The following CLCA4 variants were observed in gnomAD, a reference collection of about 807,000 sequenced individuals.
The protein encoded by CLCA4 is calcium-activated chloride channel regulator 4.
A neutral mutation model predicts 78.9 loss-of-function variants in CLCA4; 69 were observed. The observed-to-expected ratio is 0.87, with a 90% CI of 0.72 to 1.07. The LOEUF is 1.07. CLCA4 is among the 50% of genes least tolerant of loss of function. The pLI is 0.00. For synonymous variants in CLCA4, 362 were observed against 375.8 expected (o/e 0.96, Z 0.42); for missense variants, 1,133 against 1,095.8 (o/e 1.03, Z -0.48).
intron 6 of CLCA4, among the ~76,000 whole-genome samples, chr1:86,566,686 G>A (rs989875574): frequency 1.3e-4 from 20 of 152,176 alleles, no homozygotes; most frequent in Admixed American, 9.2e-4. Context: ...GTTTCTCATT[G>A]TGATTTGGTT....
At position 86,577,952 on chromosome 1, in the gene CLCA4, T is replaced by C. The variant is rs772508197; in HGVS notation, c.2002T>C (p.Tyr668His). The C allele has an allele frequency of 5.0e-6, 8 of 1,612,912 alleles. No homozygotes were observed. The highest frequency in any genetic ancestry group is 2.2e-5 in the East Asian group (1 of 44,824). Residue 668 changes from tyrosine (Y) to histidine (H), a missense_variant, in exon 12 of 14, where the codon TAT (tyrosine) becomes CAT (histidine). By Grantham distance (83) the Tyr-to-His change is moderately conservative. Coordinates refer to ENST00000370563, the MANE Select transcript of CLCA4 (RefSeq NM_012128.4). ...DGVYSRYFTA[Y>H]TENGRYSLKV... ...AGTCTACTCCAGGTATTTTACAGCA[T>C]ATACAGAAAATGGCAGATATAGCTT... is the stretch of plus-strand genomic sequence containing the variant.
intron 1 of CLCA4, among the ~76,000 whole-genome samples, chr1:86,554,860 GT>G (rs150075352): frequency 1.2e-3 from 163 of 140,576 alleles, no homozygotes; most frequent in Middle Eastern, 3.6e-3. Flanking sequence ...CAAGCATCTG[GT>G]TTTTTTTTTT....
rs1026858714 is a variant in CLCA4 at position 86,571,371 on chromosome 1, C to T, written c.1360+117C>T. The T allele has an allele frequency of 1.7e-5, 16 of 944,192 alleles. No homozygotes were observed. The African/African-American group carries it at 2.5e-4, about 15-fold the overall frequency. 58.5% of individuals were successfully genotyped at this position (944,192 alleles called of 1,614,324 possible). On this transcript the variant is annotated intron_variant, in intron 8 of 13. Transcript: ENST00000370563. ...GGAGGCACTGAAGCTGGGGACCAGACCCAATCTCTGTTCTCGTGGCACTTG... is the reference window on the plus strand; with the variant it reads ...GGAGGCACTGAAGCTGGGGACCAGATCCAATCTCTGTTCTCGTGGCACTTG...
At chr1:86,552,568 T>C (rs1165436705) in intron 1 of CLCA4, 1 of 569,148 alleles carries the variant, frequency 1.8e-6, no homozygotes, top group Non-Finnish European at 3.2e-6. Context: ...CGGGAGCCAG[T>C]GCTCACGTGT....
At chr1:86,576,987 G>T (rs1007454803) in intron 11 of CLCA4, among the ~76,000 whole-genome samples, 2 of 152,052 alleles carry the variant, frequency 1.3e-5, no homozygotes, top group African/African-American at 4.8e-5. Context: ...AGTATATTTT[G>T]CAATGTAACT....
chr1:86,566,581 G>A (rs1038133970), intron 6 of CLCA4, among the ~76,000 whole-genome samples: 6 of 152,014 alleles, frequency 3.9e-5, no homozygotes, highest in Admixed American at 3.9e-4. Context: ...AGCAAATGAG[G>A]GAGGTATTAA....
chr1:86,576,463 G>T (rs1378039386), intron 11 of CLCA4, among the ~76,000 whole-genome samples: 1 of 152,112 alleles, frequency 6.6e-6, no homozygotes, highest in African/African-American at 2.4e-5. Context: ...AATTACAGGA[G>T]TGAGCCACCA....
chr1:86,553,525 G>A (rs1316220998), intron 1 of CLCA4, among the ~76,000 whole-genome samples: 3 of 152,188 alleles, frequency 2.0e-5, no homozygotes, highest in Admixed American at 6.5e-5. Flanking sequence ...CGCCACCGCC[G>A]CTGCCGCCTG....
At chr1:86,559,099 C>G (rs764067867) in intron 1 of CLCA4, among the ~76,000 whole-genome samples, 2 of 151,994 alleles carry the variant, frequency 1.3e-5, no homozygotes, top group Non-Finnish European at 2.9e-5. Context: ...GGCCTCCTAG[C>G]AGGTTTGGGG....
intron 12 of CLCA4, among the ~76,000 whole-genome samples, chr1:86,578,781 T>C (rs892124155): frequency 1.3e-5 from 2 of 152,078 alleles, no homozygotes; most frequent in Admixed American, 1.3e-4. Flanking sequence ...ATCTTTCAGA[T>C]TACATATGCT....
intron 3 of CLCA4, among the ~76,000 whole-genome samples, chr1:86,562,377 G>A (rs892633657): frequency 1.3e-5 from 2 of 152,134 alleles, no homozygotes; most frequent in African/African-American, 4.8e-5. Context: ...CATTTGCCTA[G>A]GAAACCTGAA....
chr1:86,565,132 C>CAAATAAAAAGCAGTGATGAAAGAAACACA, intron 4 of CLCA4, 142 bp from the exon 5 acceptor site: 2 of 543,512 alleles, frequency 3.7e-6, no homozygotes, highest in Non-Finnish European at 6.4e-6. Context: ...ACCCTTAAAC[C>CAAATAAAAAGCAGTGATGAAAGAAACACA]CTATAGCCAG....
chr1:86,571,881 T>C (rs1227250294), intron 8 of CLCA4, among the ~76,000 whole-genome samples: 1 of 152,064 alleles, frequency 6.6e-6, no homozygotes, highest in African/African-American at 2.4e-5. Flanking sequence ...TTCTTAAACA[T>C]AGTAGAGAAT....
intron 7 of CLCA4, among the ~76,000 whole-genome samples, chr1:86,569,052 G>A (rs904476647): frequency 6.6e-6 from 1 of 152,028 alleles, no homozygotes; most frequent in Non-Finnish European, 1.5e-5. Flanking sequence ...ATATGAACAT[G>A]CTTTAATCTA....
chr1:86,562,629 C>T (rs1430123214), intron 3 of CLCA4, among the ~76,000 whole-genome samples: 2 of 151,144 alleles, frequency 1.3e-5, no homozygotes, highest in Admixed American at 6.6e-5. Context: ...CTGAGGCGGG[C>T]AGATCACGAG....
intron 9 of CLCA4, 189 bp downstream of exon 9, chr1:86,572,909 T>A (rs1004247843): frequency 1.7e-6 from 1 of 596,566 alleles, no homozygotes; most frequent in Non-Finnish European, 3.0e-6. Flanking sequence ...GTAAAATAAA[T>A]GGTGAAACAG....
At position 86,551,083 on chromosome 1, in the gene CLCA4, G is replaced by A. The variant is rs374941009; in HGVS notation, c.159+3805G>A. On this transcript the variant is annotated intron_variant, in intron 1 of 13. Transcript: ENST00000370563. ...CCTGACCTCGTGATCCGCCCGCCTC[G>A]GCCTCCCAAAGTGCTGGGATTACCG... Among the ~76,000 whole-genome samples, 41 of 151,880 alleles carry A rather than the reference G, an allele frequency of 2.7e-4. No individual in the cohort carries two copies. In the East Asian group the frequency reaches 7.0e-3, roughly 26 times the overall value.
rs1341784909 is a variant in CLCA4, at chr1:86,572,662, T to C, written c.1409T>C (p.Ile470Thr). 4 of 1,610,292 alleles carry C rather than the reference T, an allele frequency of 2.5e-6. No individual in the cohort carries two copies. The highest frequency in any genetic ancestry group is 1.1e-5 in the South Asian group (1 of 91,012). The stretch of plus-strand genomic sequence containing the variant: ...GATGAAGCTCAGAACAATGGCCTCA[T>C]TGATGCTTTTGGGGCTCTTACATCA... ...VSDEAQNNGL[I>T]DAFGALTSGN... is the part of the protein sequence containing the mutation. Residue 470 changes from isoleucine (I) to threonine (T), a missense_variant, in exon 9 of 14, where the codon ATT becomes ACT. Ile to Thr is a moderately conservative substitution (Grantham distance 89). Coordinates refer to ENST00000370563, the MANE Select transcript of CLCA4 (RefSeq NM_012128.4).
chr1:86,552,751 A>G (rs1406377263), intron 1 of CLCA4: 3 of 1,433,304 alleles, frequency 2.1e-6, no homozygotes, highest in Non-Finnish European at 2.0e-6. Context: ...CACCCCCATC[A>G]TGCCTGTCAG....
Sources: allele counts gnomAD v4.1 joint callset (sites outside exome capture counted in the v4.1 genomes callset), GRCh38; gene constraint gnomAD v4.1.1; transcripts MANE v1.5; gene names NCBI Gene and HGNC (gene_info 2026-07-23, HGNC 2026-07-21).